Variants in LTBP1 observed in about 807,000 individuals in gnomAD.
LTBP1 encodes the protein latent-transforming growth factor beta-binding protein 1.
Under a neutral mutation model 207.6 loss-of-function variants are expected in LTBP1, and 129 were observed. The observed-to-expected ratio is 0.62, with a 90% CI of 0.54 to 0.72. LTBP1 has a LOEUF of 0.72. Ranked by LOEUF, LTBP1 falls within the 30% of genes least tolerant of loss-of-function variation. LTBP1 has a pLI of 0.00. For missense variants in LTBP1, 2,281 were observed against 2,217.2 expected, an observed-to-expected ratio of 1.03 and a Z score of -0.58; for synonymous variants, 963 against 833.7, an observed-to-expected ratio of 1.16 and a Z score of -2.67.
chr2:33,252,426 A>G (rs190088647), intron 10 of LTBP1, among the ~76,000 whole-genome samples: 164 of 152,290 alleles, frequency 1.1e-3, no homozygotes, highest in African/African-American at 3.8e-3. Flanking sequence ...ACCTAATTGC[A>G]TGCTTGCTAA....
chr2:33,362,737 G>C (rs989283191), intron 28 of LTBP1, among the ~76,000 whole-genome samples: 2 of 152,160 alleles, frequency 1.3e-5, no homozygotes, highest in Non-Finnish European at 2.9e-5. Context: ...AATAATAGCA[G>C]TAAAAGCAAT....
At chr2:33,003,388 G>A (rs1196264624) in intron 2 of LTBP1, among the ~76,000 whole-genome samples, 1 of 152,178 alleles carries the variant, frequency 6.6e-6, no homozygotes, top group Non-Finnish European at 1.5e-5. Flanking sequence ...TTGCAGTTGA[G>A]GCTTAAGAGG....
intron 3 of LTBP1, among the ~76,000 whole-genome samples, chr2:33,052,106 C>T (rs2076773473): frequency 6.6e-6 from 1 of 152,170 alleles, no homozygotes; most frequent in Non-Finnish European, 1.5e-5. Flanking sequence ...GTAAGGACTT[C>T]GATGTACTTT....
chr2:33,307,657 A>G (rs1313457767), intron 22 of LTBP1, among the ~76,000 whole-genome samples: 4 of 152,236 alleles, frequency 2.6e-5, no homozygotes, highest in East Asian at 1.9e-4. Context: ...AAGTAGATCA[A>G]TTTATTTTAT....
intron 3 of LTBP1, among the ~76,000 whole-genome samples, chr2:33,097,159 A>G (rs1046537084): frequency 2.0e-5 from 3 of 152,168 alleles, no homozygotes; most frequent in African/African-American, 7.2e-5. Context: ...GATGTTAAAA[A>G]TTATTCTGCT....
intron 5 of LTBP1, among the ~76,000 whole-genome samples, chr2:33,156,251 A>G (rs149165509): frequency 6.6e-6 from 1 of 152,342 alleles, no homozygotes; most frequent in Non-Finnish European, 1.5e-5. Context: ...TCAGAATCCC[A>G]GGGTTGTGCT....
At chr2:33,169,080 T>G (rs1378778063) in intron 5 of LTBP1, among the ~76,000 whole-genome samples, 1 of 152,244 alleles carries the variant, frequency 6.6e-6, no homozygotes, top group Non-Finnish European at 1.5e-5. Flanking sequence ...GATTTTTGTT[T>G]ATAGTAGTGG....
At chr2:32,973,573 C>T (rs114956481) in intron 2 of LTBP1, among the ~76,000 whole-genome samples, 208 of 152,228 alleles carry the variant, frequency 1.4e-3, no homozygotes, top group Non-Finnish European at 2.1e-3. Context: ...ACAAGGACCC[C>T]CTTATCTGCG....
intron 3 of LTBP1, among the ~76,000 whole-genome samples, chr2:33,076,486 C>G (rs1366838123): frequency 6.6e-6 from 1 of 151,516 alleles, no homozygotes; most frequent in African/African-American, 2.4e-5. Context: ...GGAAGAAAAC[C>G]TAATGACTGT....
intron 20 of LTBP1, among the ~76,000 whole-genome samples, chr2:33,296,740 T>C (rs2093882763): frequency 1.3e-5 from 2 of 152,168 alleles, no homozygotes; most frequent in East Asian, 3.9e-4. Context: ...TTTTGTTTTT[T>C]TAAAAAAAGG....
chr2:33,147,254 G>T (rs2083134038), intron 5 of LTBP1, among the ~76,000 whole-genome samples: 1 of 152,168 alleles, frequency 6.6e-6, no homozygotes, highest in African/African-American at 2.4e-5. Flanking sequence ...GTAGGCAATT[G>T]TTATACTTAG....
intron 7 of LTBP1, among the ~76,000 whole-genome samples, chr2:33,189,107 C>T (rs961018278): frequency 6.6e-6 from 1 of 152,148 alleles, no homozygotes; most frequent in African/African-American, 2.4e-5. Context: ...GTCTGTGGAA[C>T]CTAAAATATT....
At chr2:33,316,182 G>GACCTATTACAGCTTGCTAAATGGAGGA (rs140683616) in intron 24 of LTBP1, among the ~76,000 whole-genome samples, 1 of 151,980 alleles carries the variant, frequency 6.6e-6, no homozygotes, top group Admixed American at 6.5e-5. Context: ...TGTTCTTGAT[G>GACCTATTACAGCTTGCTAAATGGAGGA]ATAATTTACC....
At chr2:33,389,056 G>A in intron 31 of LTBP1, 128 bp from the exon 32 acceptor site, 3 of 1,288,724 alleles carry the variant, frequency 2.3e-6, no homozygotes, top group Non-Finnish European at 3.3e-6. Flanking sequence ...CAGGCTCAGT[G>A]GTACGCAGGA....
chr2:33,282,664 T>C (rs114898048), intron 19 of LTBP1, among the ~76,000 whole-genome samples: 77 of 152,330 alleles, frequency 5.1e-4, no homozygotes, highest in African/African-American at 1.8e-3. Flanking sequence ...AAGCCTAGTT[T>C]TGAGTTGAGC....
Position 33,363,407 on chromosome 2 carries a change from CT to C in LTBP1, c.4293del (p.Phe1431LeufsTer12). 6.2e-7 allele frequency: 1 copy of C among 1,613,690 alleles called. No individual in the cohort carries two copies. Among genetic ancestry groups the C allele is most frequent in the East Asian group, 2.2e-5 (1 of 44,860 alleles). On this transcript the variant is annotated frameshift_variant, in exon 29 of 34. Transcript: ENST00000404816. LOFTEE classifies it high-confidence loss of function. ...CCCCGTAGATGCAGATGAATGCCTACTTTTTGGACAAGAAATCTGCAAAAAT... is the reference window on the plus strand; with the variant it reads ...CCCCGTAGATGCAGATGAATGCCTACTTTTGGACAAGAAATCTGCAAAAAT... The part of the protein sequence containing the change: ...ENYKDADECL[L>X]FGQEICKNGF...
At chr2:33,065,101 T>G (rs1161388685) in intron 3 of LTBP1, among the ~76,000 whole-genome samples, 1 of 152,236 alleles carries the variant, frequency 6.6e-6, no homozygotes, top group African/African-American at 2.4e-5. Flanking sequence ...GCTGAGTGTT[T>G]CCTTTTATCA....
intron 22 of LTBP1, among the ~76,000 whole-genome samples, chr2:33,304,586 C>T (rs557522988): frequency 5.9e-5 from 9 of 152,280 alleles, no homozygotes; most frequent in East Asian, 5.8e-4. Context: ...TGATAATGAA[C>T]GTGCCTCAAT....
At chr2:32,994,883 T>A (rs75444443) in intron 2 of LTBP1, among the ~76,000 whole-genome samples, 523 of 152,322 alleles carry the variant, frequency 3.4e-3, no homozygotes, top group Middle Eastern at 0.027. Context: ...AGATCTTGCA[T>A]TGGTATTTTC....
Sources: gnomAD v4.1 joint callset for allele counts (sites outside exome capture counted in the v4.1 genomes callset) on GRCh38, gnomAD v4.1.1 for gene constraint, MANE v1.5 for transcripts, NCBI Gene and HGNC (gene_info 2026-07-23, HGNC 2026-07-21) for gene names.